Variants in NRG4 observed in about 807,000 individuals in gnomAD.
The protein encoded by NRG4 is neuregulin 4, also known as pro-neuregulin-4, membrane-bound isoform.
Under a neutral mutation model 15.0 loss-of-function variants are expected in NRG4, and 10 were observed. That is an observed-to-expected ratio of 0.67 (90% CI 0.41 to 1.13). NRG4 has a LOEUF of 1.13. Ranked by LOEUF, NRG4 falls within the 50% of genes most tolerant of loss-of-function variation. The pLI, the probability that NRG4 is intolerant of heterozygous loss-of-function variation, is 0.00. For synonymous variants in NRG4, 41 were observed against 50.1 expected, an observed-to-expected ratio of 0.82 and a Z score of 0.77; for missense variants, 139 against 140.2, an observed-to-expected ratio of 0.99 and a Z score of 0.04.
At chr15:75,968,541 T>C (rs998749485) in intron 3 of NRG4, among the ~76,000 whole-genome samples, 18 of 148,232 alleles carry the variant, frequency 1.2e-4, no homozygotes, top group African/African-American at 4.5e-4. Flanking sequence ...GAGCCAAGAC[T>C]GTGCCACTGC....
At chr15:76,028,502 CT>C (rs2035375098) in intron 5 of NRG4, among the ~76,000 whole-genome samples, 1 of 151,904 alleles carries the variant, frequency 6.6e-6, no homozygotes, top group Non-Finnish European at 1.5e-5. Flanking sequence ...ATAAAACAGT[CT>C]CCTGACAGAA....
At chr15:76,027,497 A>AATAT (rs71444947) in intron 5 of NRG4, among the ~76,000 whole-genome samples, 187 of 148,740 alleles carry the variant, frequency 1.3e-3, no homozygotes, top group Non-Finnish European at 1.6e-3. Flanking sequence ...ATAACAGTCA[A>AATAT]ATATATATAT....
intron 3 of NRG4, among the ~76,000 whole-genome samples, chr15:76,002,977 T>A (rs1022445978): frequency 6.6e-6 from 1 of 152,168 alleles, no homozygotes; most frequent in Non-Finnish European, 1.5e-5. Flanking sequence ...CCAATGTGAC[T>A]TAATTGAAAT....
intron 3 of NRG4, among the ~76,000 whole-genome samples, chr15:75,974,967 A>T (rs2033298361): frequency 6.6e-6 from 1 of 152,112 alleles, no homozygotes; most frequent in Non-Finnish European, 1.5e-5. Flanking sequence ...GTCTCCCACT[A>T]TTATTGTGTG....
chr15:75,995,087 C>T (rs977131354), intron 3 of NRG4, among the ~76,000 whole-genome samples: 1 of 151,892 alleles, frequency 6.6e-6, no homozygotes, highest in African/African-American at 2.4e-5. Context: ...ACTCCCGAGG[C>T]TGAGGTGGGA....
chr15:76,054,715 C>G (rs923967979), intron 2 of NRG4, among the ~76,000 whole-genome samples: 1 of 152,064 alleles, frequency 6.6e-6, no homozygotes, highest in Non-Finnish European at 1.5e-5. Flanking sequence ...CAGTAATAAT[C>G]ATGAAATGAA....
rs772352088 is a variant in NRG4 at position 76,051,730 on chromosome 15, A to G, written c.-105+337T>C. Among the ~76,000 whole-genome samples the G allele has an allele frequency of 3.3e-4, 49 of 149,858 alleles. 1 individual carries two copies. Among genetic ancestry groups the G allele is most frequent in the Non-Finnish European group, 7.2e-4 (49 of 67,684 alleles). ...AGGCGCCCGCCACCACGCCTGGCTA[A>G]TCTTTTTTTTTATTTTATTTTTAGT... On this transcript the variant is annotated intron_variant, in intron 4 of 8. Transcript: ENST00000563910.
intron 3 of NRG4, among the ~76,000 whole-genome samples, chr15:75,986,505 A>C (rs1224455936): frequency 2.6e-5 from 4 of 152,172 alleles, no homozygotes; most frequent in Non-Finnish European, 1.5e-5. Context: ...TTGACATGAA[A>C]TGATCTCCAA....
At chr15:75,962,022 G>C (rs1354557908) in intron 3 of NRG4, 48 bp from the exon 4 acceptor site, 2 of 1,417,788 alleles carry the variant, frequency 1.4e-6, no homozygotes, top group Admixed American at 4.3e-5. Flanking sequence ...TGTTTCATTA[G>C]CTAGTTTGGA....
intron 3 of NRG4, among the ~76,000 whole-genome samples, chr15:75,968,326 G>A (rs1031314367): frequency 3.1e-4 from 47 of 152,030 alleles, no homozygotes; most frequent in African/African-American, 1.0e-3. Context: ...GGTGGCTCAC[G>A]CCTGTAATCC....
intron 5 of NRG4, among the ~76,000 whole-genome samples, chr15:75,954,193 A>G (rs953746987): frequency 1.3e-5 from 2 of 151,016 alleles, no homozygotes; most frequent in Non-Finnish European, 2.9e-5. Flanking sequence ...TTCTACTGCT[A>G]TATCTTCAAG....
upstream of NRG4, among the ~76,000 whole-genome samples, chr15:76,016,775 A>C (rs2034991793): frequency 6.6e-6 from 1 of 152,174 alleles, no homozygotes. Flanking sequence ...TTTTAGGATA[A>C]TTGCAATGTG....
chr15:76,018,083 A>C (rs1297349612), intron 5 of NRG4, among the ~76,000 whole-genome samples: 4 of 151,864 alleles, frequency 2.6e-5, no homozygotes, highest in Admixed American at 6.6e-5. Flanking sequence ...GTTGATCTTC[A>C]ATCTCTGATA....
intron 5 of NRG4, among the ~76,000 whole-genome samples, chr15:76,028,354 G>A (rs761492508): frequency 9.9e-5 from 15 of 151,950 alleles, no homozygotes; most frequent in African/African-American, 3.4e-4. Flanking sequence ...AAAGGATCAT[G>A]AACAACTACA....
chr15:76,059,889 G>A (rs974989668), upstream of NRG4: 1 of 146,206 alleles, frequency 6.8e-6, no homozygotes, highest in African/African-American at 2.5e-5. Flanking sequence ...CCCCGAGCGC[G>A]GTGGGCGGAG....
At chr15:76,019,376 G>A (rs2035081730) in intron 5 of NRG4, among the ~76,000 whole-genome samples, 1 of 152,092 alleles carries the variant, frequency 6.6e-6, no homozygotes, top group African/African-American at 2.4e-5. Flanking sequence ...CACCATTGGG[G>A]TATGAAAAAA....
intron 5 of NRG4, 107 bp from the exon 6 acceptor site, chr15:75,943,761 C>G: frequency 9.5e-6 from 7 of 738,514 alleles, no homozygotes; most frequent in African/African-American, 1.8e-5. Flanking sequence ...AAGCCAACCC[C>G]TTCTGTTTGT....
intron 5 of NRG4, among the ~76,000 whole-genome samples, chr15:76,021,841 A>C (rs768255489): frequency 1.3e-5 from 2 of 152,200 alleles, no homozygotes; most frequent in Admixed American, 6.5e-5. Context: ...CTTTTCACTA[A>C]GTCAGTGGTC....
intron 3 of NRG4, among the ~76,000 whole-genome samples, chr15:75,976,239 C>T (rs1322894108): frequency 3.3e-5 from 5 of 152,166 alleles, no homozygotes; most frequent in Non-Finnish European, 7.3e-5. Flanking sequence ...GTTCCTCTAA[C>T]CTTTTTTCAA....
Sources: allele counts gnomAD v4.1 joint callset (sites outside exome capture counted in the v4.1 genomes callset), GRCh38; gene constraint gnomAD v4.1.1; transcripts MANE v1.5; gene names NCBI Gene and HGNC (gene_info 2026-07-23, HGNC 2026-07-21).